Variants in SASH1 observed in about 807,000 individuals in gnomAD.
SASH1 encodes the protein SAM and SH3 domain-containing protein 1.
In SASH1, 44 loss-of-function variants were observed where a neutral mutation model predicts 125.2. That is an observed-to-expected ratio of 0.35 (90% CI 0.28 to 0.45). The LOEUF (loss-of-function observed/expected upper bound fraction) is 0.45, where lower values mean the gene tolerates loss of function less well. Among genes scored for constraint, SASH1 ranks in the 20% least tolerant of loss-of-function variants. The pLI is 1.00. For missense variants in SASH1, 1,426 were observed against 1,614.5 expected (o/e 0.88, Z 2.00); for synonymous variants, 639 against 649.1 (o/e 0.98, Z 0.24).
chr6:148,377,176 A>C (rs1185468502), intron 1 of SASH1, among the ~76,000 whole-genome samples: 151 of 64,484 alleles, frequency 2.3e-3, no homozygotes, highest in African/African-American at 7.9e-3. Flanking sequence ...TCTCAAAAAA[A>C]AAAAAAACAA....
chr6:148,288,642 G>A (rs1236156169), intron 1 of SASH1, among the ~76,000 whole-genome samples: 1 of 151,676 alleles, frequency 6.6e-6, no homozygotes, highest in African/African-American at 2.4e-5. Flanking sequence ...CAAATCCCAC[G>A]CCAGCACTAG....
the SASH1 span, among the ~76,000 whole-genome samples, chr6:148,258,725 C>T: frequency 9.8e-5 from 15 of 152,320 alleles, 1 homozygote; most frequent in South Asian, 1.5e-3. Context: ...AAAGCCTTCT[C>T]GGATAGTTTT....
intron 19 of SASH1, 62 bp from the exon 20 acceptor site, chr6:148,548,233 C>A: frequency 2.0e-6 from 3 of 1,464,504 alleles, no homozygotes; most frequent in Admixed American, 2.0e-5. Flanking sequence ...TTTAGACATA[C>A]GCGAAGTAGT....
At position 148,366,971 on chromosome 6, in the gene SASH1, C is replaced by CTTT. The variant is rs10676946; in HGVS notation, c.157-23147_157-23145dup. Among the ~76,000 whole-genome samples, 523 of 125,282 alleles carry CTTT rather than the reference C, an allele frequency of 4.2e-3. 14 individuals carry two copies. The highest frequency in any genetic ancestry group is 0.017 in the East Asian group (70 of 4,016). The allele number at this position is 125,282 out of a possible 152,430, so 82.2% of individuals were successfully genotyped here. ...GATGGATTCTGTAACTAGTGGGTAGCTTTTTTTTTTTTTTTTTTAAGACTG... is the reference window on the plus strand; with the variant it reads ...GATGGATTCTGTAACTAGTGGGTAGCTTTTTTTTTTTTTTTTTTTTTAAGACTG... On this transcript the variant is annotated intron_variant, in intron 1 of 19. Transcript: ENST00000367467.
intron 4 of SASH1, among the ~76,000 whole-genome samples, chr6:148,457,580 G>C (rs1777419192): frequency 6.6e-6 from 1 of 152,140 alleles, no homozygotes; most frequent in Non-Finnish European, 1.5e-5. Context: ...GAGTGTTTTT[G>C]TGAGACTGAA....
the SASH1 span, among the ~76,000 whole-genome samples, chr6:148,261,601 C>G: frequency 6.6e-6 from 1 of 152,240 alleles, no homozygotes; most frequent in African/African-American, 2.4e-5. Flanking sequence ...CACTTCATAA[C>G]GAGGCCAGCC....
chr6:148,369,966 C>CAA (rs562924566), intron 1 of SASH1, among the ~76,000 whole-genome samples: 25,149 of 93,614 alleles, frequency 0.27, 2,806 homozygotes, highest in African/African-American at 0.33. Flanking sequence ...AAAAGAAAAA[C>CAA]AAAAAAAAAA....
chr6:148,421,359 A>G (rs1380230958), intron 2 of SASH1, among the ~76,000 whole-genome samples: 1 of 152,138 alleles, frequency 6.6e-6, no homozygotes, highest in Admixed American at 6.5e-5. Context: ...GCTGGAGTGC[A>G]GTGGTGTAAT....
intron 1 of SASH1, among the ~76,000 whole-genome samples, chr6:148,369,984 AAAG>A (rs1782647978): frequency 6.6e-6 from 1 of 150,756 alleles, no homozygotes; most frequent in African/African-American, 2.4e-5. Flanking sequence ...AAAAAAAAAA[AAAG>A]GAAAGAAAAA....
At chr6:148,243,343 G>A in the SASH1 span, among the ~76,000 whole-genome samples, 269 of 151,208 alleles carry the variant, frequency 1.8e-3, 2 homozygotes, top group African/African-American at 6.0e-3. Context: ...CCAGCTACTC[G>A]GGAGGCTGAG....
intron 1 of SASH1, among the ~76,000 whole-genome samples, chr6:148,387,543 T>TTTTCCTTTC (rs1783432818): frequency 6.9e-6 from 1 of 145,082 alleles, no homozygotes; most frequent in Non-Finnish European, 1.5e-5. Context: ...TCTTTCTTTC[T>TTTTCCTTTC]TTTCTTTTCC....
chr6:148,443,546 G>A (rs1021887886), intron 4 of SASH1, among the ~76,000 whole-genome samples: 12 of 62,808 alleles, frequency 1.9e-4, no homozygotes, highest in Admixed American at 6.1e-4. Context: ...CTCTGAGACC[G>A]TGAAACTATT....
chr6:148,195,508 C>G, the SASH1 span, among the ~76,000 whole-genome samples: 1 of 152,220 alleles, frequency 6.6e-6, no homozygotes, highest in Non-Finnish European at 1.5e-5. Context: ...CATGCAAATT[C>G]AAGGTAGCCT....
intron 1 of SASH1, among the ~76,000 whole-genome samples, chr6:148,381,328 G>T (rs1286703111): frequency 6.6e-6 from 1 of 152,124 alleles, no homozygotes; most frequent in Admixed American, 6.5e-5. Flanking sequence ...CGAATCCTAG[G>T]GTCAAGCAGG....
chr6:148,237,011 G>A, the SASH1 span, among the ~76,000 whole-genome samples: 2 of 152,140 alleles, frequency 1.3e-5, no homozygotes, highest in African/African-American at 4.8e-5. Context: ...ACCGGATCTG[G>A]GCCCCTTGAC....
At chr6:148,461,652 G>A (rs77890756) in intron 4 of SASH1, among the ~76,000 whole-genome samples, 2 of 152,266 alleles carry the variant, frequency 1.3e-5, no homozygotes, top group African/African-American at 2.4e-5. Flanking sequence ...GGCTATCTGT[G>A]TCTCTCTGGC....
chr6:148,421,101 AGAAAAGAAAG>A (rs1194675468), intron 2 of SASH1, among the ~76,000 whole-genome samples: 1 of 137,640 alleles, frequency 7.3e-6, no homozygotes, highest in African/African-American at 2.7e-5. Flanking sequence ...AGAAAAGAAA[AGAAAAGAAAG>A]GAAAAGAAAG....
At chr6:148,325,444 T>G (rs932237476) in intron 1 of SASH1, among the ~76,000 whole-genome samples, 1 of 151,996 alleles carries the variant, frequency 6.6e-6, no homozygotes, top group Non-Finnish European at 1.5e-5. Flanking sequence ...GCCCAGCTAA[T>G]TTTTAAAATA....
upstream of SASH1, among the ~76,000 whole-genome samples, chr6:148,268,931 G>A (rs1778998999): frequency 1.3e-5 from 2 of 152,202 alleles, no homozygotes; most frequent in Non-Finnish European, 2.9e-5. Context: ...AACAATGCTG[G>A]ATCCAGTTTG....
Sources: allele counts gnomAD v4.1 joint callset (sites outside exome capture counted in the v4.1 genomes callset), GRCh38; gene constraint gnomAD v4.1.1; transcripts MANE v1.5; gene names NCBI Gene and HGNC (gene_info 2026-07-23, HGNC 2026-07-21).